TRPC6: variants seen among roughly 807,000 people sequenced by gnomAD.
The protein encoded by TRPC6 is transient receptor potential cation channel subfamily C member 6.
TRPC6 carries 55 observed loss-of-function variants against 90.7 expected under a neutral mutation model. That is an observed-to-expected ratio of 0.61 (90% CI 0.49 to 0.76). TRPC6 has a LOEUF of 0.76. TRPC6 is among the 30% of genes least tolerant of loss of function. The pLI is 0.00. For synonymous variants in TRPC6, 393 were observed against 393.0 expected, an observed-to-expected ratio of 1.00 and a Z score of 0.00; for missense variants, 989 against 1,122.7, an observed-to-expected ratio of 0.88 and a Z score of 1.70.
intron 1 of TRPC6, among the ~76,000 whole-genome samples, chr11:101,513,536 T>TAG (rs1006868549): frequency 2.6e-5 from 4 of 151,340 alleles, no homozygotes; most frequent in South Asian, 2.1e-4. Flanking sequence ...TTTAAACTAC[T>TAG]AGAGAGAGAG....
intron 5 of TRPC6, among the ~76,000 whole-genome samples, chr11:101,478,708 C>T (rs942668527): frequency 6.6e-6 from 1 of 152,098 alleles, no homozygotes; most frequent in African/African-American, 2.4e-5. Context: ...AGGGATCAAG[C>T]CTCTGCTCGT....
At chr11:101,566,998 G>A (rs10895143) in intron 1 of TRPC6, among the ~76,000 whole-genome samples, 15,580 of 145,244 alleles carry the variant, frequency 0.11, 1,561 homozygotes, top group East Asian at 0.56. Context: ...TACCCCAGTG[G>A]CACCTGGAAC....
chr11:101,469,532 A>G, intron 9 of TRPC6, 31 bp from the exon 10 acceptor site: 1 of 730,408 alleles, frequency 1.4e-6, no homozygotes, highest in Non-Finnish European at 2.6e-6. Flanking sequence ...AATGAGTATA[A>G]CTGCATAACC....
At chr11:101,524,300 G>A (rs1459725021) in intron 1 of TRPC6, among the ~76,000 whole-genome samples, 1 of 152,170 alleles carries the variant, frequency 6.6e-6, no homozygotes, top group Non-Finnish European at 1.5e-5. Flanking sequence ...CCAGGCTGGA[G>A]TGCAGTGGCA....
chr11:101,577,104 G>C (rs1296496185), intron 1 of TRPC6, among the ~76,000 whole-genome samples: 2 of 152,030 alleles, frequency 1.3e-5, no homozygotes, highest in African/African-American at 4.8e-5. Context: ...ATTTGAAGGT[G>C]GTTTTTACAC....
intron 1 of TRPC6, among the ~76,000 whole-genome samples, chr11:101,532,130 C>A (rs1860924223): frequency 6.6e-6 from 1 of 152,186 alleles, no homozygotes; most frequent in African/African-American, 2.4e-5. Flanking sequence ...TATCCTGAAG[C>A]TAAGTAACTC....
chr11:101,465,897 T>C (rs914320196), intron 10 of TRPC6, among the ~76,000 whole-genome samples: 1 of 152,202 alleles, frequency 6.6e-6, no homozygotes, highest in African/African-American at 2.4e-5. Flanking sequence ...TTCAGCCTTT[T>C]TGCACTGGTT....
intron 4 of TRPC6, among the ~76,000 whole-genome samples, chr11:101,487,098 G>T (rs536680893): frequency 1.3e-5 from 2 of 152,238 alleles, no homozygotes; most frequent in South Asian, 4.1e-4. Flanking sequence ...TTTAAGAAAT[G>T]TGTAACTCTA....
chr11:101,528,400 T>C (rs1028251106), intron 1 of TRPC6, among the ~76,000 whole-genome samples: 9 of 152,172 alleles, frequency 5.9e-5, no homozygotes, highest in Non-Finnish European at 1.3e-4. Flanking sequence ...ATTGCAAACC[T>C]CATTGGCACT....
chr11:101,533,707 A>AT (rs368915418), intron 1 of TRPC6, among the ~76,000 whole-genome samples: 33 of 151,390 alleles, frequency 2.2e-4, no homozygotes, highest in East Asian at 5.8e-4. Context: ...TTTGGCCGTT[A>AT]TTTTTTTTTA....
chr11:101,569,265 CAAAG>C (rs1489523537), intron 1 of TRPC6, among the ~76,000 whole-genome samples: 2 of 150,902 alleles, frequency 1.3e-5, no homozygotes, highest in African/African-American at 2.4e-5. Context: ...TCAAATGAAA[CAAAG>C]AAGGCCATTA....
chr11:101,558,266 T>C (rs572432478), intron 1 of TRPC6, among the ~76,000 whole-genome samples: 5,069 of 92,308 alleles, frequency 0.055, 321 homozygotes, highest in Middle Eastern at 0.097. Flanking sequence ...TACATGTATA[T>C]GGGTATACAT....
chr11:101,457,254 T>C (rs1858905531), intron 10 of TRPC6, among the ~76,000 whole-genome samples: 1 of 152,290 alleles, frequency 6.6e-6, no homozygotes, highest in African/African-American at 2.4e-5. Flanking sequence ...AAACACTCTC[T>C]CCAATTCTGA....
rs750353710 is a variant in TRPC6 at position 101,583,468 on chromosome 11, G to A, written c.36C>T (p.Gly12=). The A allele has an allele frequency of 2.0e-6, 3 of 1,523,314 alleles. No individual in the cohort carries two copies. Among genetic ancestry groups the A allele is most frequent in the Non-Finnish European group, 2.6e-6 (3 of 1,133,624 alleles). The allele number at this position is 1,523,314 out of a possible 1,614,324, so 94.4% of individuals were successfully genotyped here. ...CTCCGGCAGCGCCCCGGGGAGAACT[G>A]CCCCTCCGGGGCCCGAACGCCGGGC... ...SQSPAFGPRR[G]SSPRGAAGAA... Residue 12 remains glycine (G), a synonymous_variant, in exon 1 of 13, where the codon GGC becomes GGT. Coordinates refer to ENST00000344327, the MANE Select transcript of TRPC6 (RefSeq NM_004621.6).
intron 1 of TRPC6, among the ~76,000 whole-genome samples, chr11:101,562,075 A>T (rs73584460): frequency 0.026 from 3,991 of 152,208 alleles, 101 homozygotes; most frequent in African/African-American, 0.06. Flanking sequence ...AACCTGTGGT[A>T]AATGAATATC....
At chr11:101,491,766 A>G (rs977244249) in intron 2 of TRPC6, 28 bp from the exon 3 acceptor site, 25 of 1,601,990 alleles carry the variant, frequency 1.6e-5, no homozygotes, top group Non-Finnish European at 2.1e-5. Flanking sequence ...AAACAAAAGC[A>G]ATAATGGAGA....
chr11:101,559,289 G>C (rs1374432006), intron 1 of TRPC6, among the ~76,000 whole-genome samples: 1 of 152,130 alleles, frequency 6.6e-6, no homozygotes, highest in African/African-American at 2.4e-5. Flanking sequence ...AGTCTATTCA[G>C]TGATTAGACT....
At chr11:101,583,252 G>C (rs1457380287) in intron 1 of TRPC6, 82 bp downstream of exon 1, 2 of 1,498,654 alleles carry the variant, frequency 1.3e-6, no homozygotes, top group African/African-American at 1.4e-5. Context: ...GACGCGCGCG[G>C]ACGGACTCGG....
rs1179131061 is a variant in TRPC6 at position 101,452,334 on chromosome 11, A to AAAC, written c.*618_*620dup. On this transcript the variant is annotated 3_prime_UTR_variant, in exon 13 of 13. Transcript: ENST00000344327. ...ATGTTTCCAGGGTTCAGTGGAGGAA[A>AAAC]AACTTTTTTCATTGTTAAGTGTAAT... 6.5e-6 allele frequency: 1 copy of AAAC among 153,432 alleles called. No homozygotes were observed. Among genetic ancestry groups the AAAC allele is most frequent in the Non-Finnish European group, 1.5e-5 (1 of 68,920 alleles). 9.5% of individuals were successfully genotyped at this position (153,432 alleles called of 1,614,324 possible). A position where few individuals can be genotyped will look rare whatever the true frequency, so the allele number is the denominator to read the frequency against.
Sources: gnomAD v4.1 joint callset for allele counts (sites outside exome capture counted in the v4.1 genomes callset) on GRCh38, gnomAD v4.1.1 for gene constraint, MANE v1.5 for transcripts, NCBI Gene and HGNC (gene_info 2026-07-23, HGNC 2026-07-21) for gene names.